RC3H2: variants seen among roughly 807,000 people sequenced by gnomAD.
RC3H2 encodes roquin-2.
RC3H2 carries 31 observed loss-of-function variants against 133.3 expected under a neutral mutation model. The observed-to-expected ratio is 0.23, with a 90% confidence interval of 0.17 to 0.31. The LOEUF (loss-of-function observed/expected upper bound fraction) is 0.31. RC3H2 is among the 10% of genes least tolerant of loss of function. RC3H2 has a pLI of 1.00. For missense variants in RC3H2, 1,175 were observed against 1,437.2 expected, an observed-to-expected ratio of 0.82 and a Z score of 2.95; for synonymous variants, 517 against 502.2, an observed-to-expected ratio of 1.03 and a Z score of -0.40.
At chr9:122,864,320 G>C (rs538689541) in intron 10 of RC3H2, among the ~76,000 whole-genome samples, 1 of 151,930 alleles carries the variant, frequency 6.6e-6, no homozygotes, top group African/African-American at 2.4e-5. Flanking sequence ...TTTTCTAAAG[G>C]CACCAAAACC....
rs568813545 is a variant in RC3H2, at chr9:122,868,343, G to C, written c.1326-2686C>G. Among the ~76,000 whole-genome samples, 26 of 152,298 alleles carry C rather than the reference G, an allele frequency of 1.7e-4. No individual in the cohort carries two copies. In the East Asian group the frequency reaches 2.9e-3, roughly 17 times the overall value. On this transcript the variant is annotated intron_variant, in intron 9 of 20. Transcript: ENST00000357244. ...AAGATTGAGAAATCGGATGGTTGCC[G>C]TGTCTGTGTGGAAAGAAGTAGACAT... is the stretch of plus-strand genomic sequence containing the variant.
intron 18 of RC3H2, 188 bp downstream of exon 18, chr9:122,853,764 G>A (rs1378479807): frequency 4.9e-6 from 7 of 1,416,352 alleles, no homozygotes; most frequent in East Asian, 5.0e-5. Context: ...CAAAAATCCC[G>A]ATGATCTAGT....
In RC3H2 at chr9:122,905,350, C is replaced by G. The variant is rs184447730; in HGVS notation, c.-308G>C. On this transcript the variant is annotated 5_prime_UTR_variant, in exon 1 of 21. Coordinates refer to ENST00000357244, the MANE Select transcript of RC3H2 (RefSeq NM_001100588.3). ...CCTCCTCCTCACCACGGAGGCGGACCTGGAGGGATCCCGATCTAGCTCTCG... is the reference window on the plus strand; with the variant it reads ...CCTCCTCCTCACCACGGAGGCGGACGTGGAGGGATCCCGATCTAGCTCTCG... 8.0e-5 allele frequency: 75 copies of G among 935,514 alleles called. No homozygotes were observed. The highest frequency in any genetic ancestry group is 5.9e-4 in the East Asian group (5 of 8,532). The allele number at this position is 935,514 out of a possible 1,614,324, so 58.0% of individuals were successfully genotyped here. A position where few individuals can be genotyped will look rare whatever the true frequency, so the allele number is the denominator to read the frequency against.
At chr9:122,854,114 T>G (rs569561213) in intron 17 of RC3H2, 28 bp from the exon 18 acceptor site, 2 of 1,612,202 alleles carry the variant, frequency 1.2e-6, no homozygotes, top group East Asian at 2.2e-5. Flanking sequence ...AAAAGAAAAG[T>G]TAGCTTCCAA....
chr9:122,890,010 C>A (rs528511431), intron 4 of RC3H2, among the ~76,000 whole-genome samples: 1 of 152,084 alleles, frequency 6.6e-6, no homozygotes, highest in Admixed American at 6.5e-5. Context: ...GGTATGATGG[C>A]GTGTGCCTGT....
chr9:122,902,281 ACTTT>A (rs1210528815), intron 1 of RC3H2, among the ~76,000 whole-genome samples: 14 of 152,196 alleles, frequency 9.2e-5, no homozygotes, highest in Admixed American at 5.9e-4. Flanking sequence ...CGAGAAAAAT[ACTTT>A]CTTTGAGATA....
chr9:122,875,117 T>A (rs758329247), intron 9 of RC3H2: 114 of 1,412,172 alleles, frequency 8.1e-5, no homozygotes, highest in Non-Finnish European at 1.0e-4. Flanking sequence ...TGTGAAATTC[T>A]GTATATAGAA....
chr9:122,889,270 G>C (rs1428698273), intron 4 of RC3H2, among the ~76,000 whole-genome samples: 1 of 152,006 alleles, frequency 6.6e-6, no homozygotes, highest in East Asian at 1.9e-4. Flanking sequence ...TTGAGTTAAA[G>C]TTAGAAAAAT....
intron 9 of RC3H2, among the ~76,000 whole-genome samples, chr9:122,868,577 C>G (rs2131421248): frequency 6.6e-6 from 1 of 152,046 alleles, no homozygotes; most frequent in East Asian, 1.9e-4. Context: ...ACTCCCTAAT[C>G]TCAAGTACCC....
At chr9:122,887,190 T>A (rs1369926659) in intron 4 of RC3H2, among the ~76,000 whole-genome samples, 1 of 152,214 alleles carries the variant, frequency 6.6e-6, no homozygotes, top group Non-Finnish European at 1.5e-5. Flanking sequence ...TTTCTAATTG[T>A]ATCATTTTCT....
At chr9:122,854,337 T>G in intron 16 of RC3H2, 71 bp from the exon 17 acceptor site, 1 of 1,347,656 alleles carries the variant, frequency 7.4e-7, no homozygotes, top group South Asian at 1.2e-5. Flanking sequence ...AATAACCATA[T>G]GTTTTATGTG....
chr9:122,886,156 C>A (rs577920681), intron 4 of RC3H2, among the ~76,000 whole-genome samples: 9 of 152,328 alleles, frequency 5.9e-5, no homozygotes, highest in Admixed American at 3.9e-4. Flanking sequence ...TCCCAAAGTG[C>A]TGGGATTACA....
At chr9:122,892,658 G>A (rs200390999) in intron 3 of RC3H2, among the ~76,000 whole-genome samples, 13 of 152,150 alleles carry the variant, frequency 8.5e-5, no homozygotes, top group South Asian at 2.1e-4. Context: ...TGATCCGCCC[G>A]CGCTGGCCTC....
At chr9:122,868,964 C>T (rs1285648673) in intron 9 of RC3H2, among the ~76,000 whole-genome samples, 1 of 146,338 alleles carries the variant, frequency 6.8e-6, no homozygotes, top group African/African-American at 2.5e-5. Context: ...TGCAATGGCG[C>T]GATCTCGGCT....
rs5900548 is a variant in RC3H2 at position 122,855,116 on chromosome 9, TAAAA to T, written c.2815+64_2815+67del. 2.2e-3 allele frequency: 2,041 copies of T among 942,226 alleles called. 1 individual carries two copies. The highest frequency in any genetic ancestry group is 2.6e-3 in the Non-Finnish European group (1,667 of 640,266). The allele number at this position is 942,226 out of a possible 1,614,324, so 58.4% of individuals were successfully genotyped here. A position where few individuals can be genotyped will look rare whatever the true frequency, so the allele number is the denominator to read the frequency against. On this transcript the variant is annotated intron_variant, in intron 15 of 20. Transcript: ENST00000357244. ...CAACAGAGTGAGACTCTGTCTCAAT[TAAAA>T]AAAAAAAAAAAAAAGGCATAGTGCT...
chr9:122,849,869 A>G, intron 20 of RC3H2, 47 bp from the exon 21 acceptor site: 1 of 1,369,834 alleles, frequency 7.3e-7, no homozygotes, highest in Non-Finnish European at 9.9e-7. Flanking sequence ...TTTAAGTGCA[A>G]ACTGTTAAGG....
At chr9:122,852,918 T>G (rs943086802) in intron 18 of RC3H2, among the ~76,000 whole-genome samples, 1 of 152,000 alleles carries the variant, frequency 6.6e-6, no homozygotes, top group Non-Finnish European at 1.5e-5. Context: ...ATGATGACAA[T>G]GGCGGTTTTG....
In RC3H2 at chr9:122,858,652, G is replaced by A; in HGVS notation, c.2283+17C>T. 1.3e-6 allele frequency: 2 copies of A among 1,595,634 alleles called. No homozygotes were observed. The highest frequency in any genetic ancestry group is 2.2e-5 in the East Asian group (1 of 44,776). ...CTGGGCTGTTAATGACTACATTATA[G>A]TAGCATCTTCACTTACCCTTGGTAA... On this transcript the variant is annotated intron_variant, in intron 12 of 20. Transcript: ENST00000357244.
intron 18 of RC3H2, 173 bp downstream of exon 18, chr9:122,853,779 G>C (rs1282056852): frequency 6.9e-7 from 1 of 1,448,884 alleles, no homozygotes; most frequent in Non-Finnish European, 9.2e-7. Flanking sequence ...TCTAGTTAAA[G>C]AATTATTTAA....
Sources: allele counts gnomAD v4.1 joint callset (sites outside exome capture counted in the v4.1 genomes callset), GRCh38; gene constraint gnomAD v4.1.1; transcripts MANE v1.5; gene names NCBI Gene and HGNC (gene_info 2026-07-23, HGNC 2026-07-21).